SNX29: variants seen among roughly 807,000 people sequenced by gnomAD.
SNX29 encodes sorting nexin 29.
SNX29 carries 78 observed loss-of-function variants against 102.1 expected under a neutral mutation model. That is an observed-to-expected ratio of 0.76 (90% CI 0.64 to 0.92). The LOEUF is 0.92. Ranked by LOEUF, SNX29 falls within the 40% of genes least tolerant of loss-of-function variation. The pLI, the probability that SNX29 is intolerant of heterozygous loss-of-function variation, is 0.00. For synonymous variants in SNX29, 580 were observed against 414.5 expected (o/e 1.40, Z -4.85); for missense variants, 1,280 against 1,061.7 (o/e 1.21, Z -2.86).
intron 15 of SNX29, among the ~76,000 whole-genome samples, chr16:12,289,552 G>T (rs2079723607): frequency 6.6e-6 from 1 of 152,108 alleles, no homozygotes; most frequent in Non-Finnish European, 1.5e-5. Flanking sequence ...TCCACCCCAT[G>T]TGTTCTGTTT....
rs191462850 is a variant in SNX29, at chr16:12,124,305, G to A, written c.1403-2328G>A. ...CTGGAGGCAGAGATTGCAGTGAGCC[G>A]AGATCATACCACTGCACTCCATCCT... is the stretch of plus-strand genomic sequence containing the variant. On this transcript the variant is annotated intron_variant, in intron 11 of 20. Transcript: ENST00000566228. Among the ~76,000 whole-genome samples, 6 of 149,860 alleles carry A rather than the reference G, an allele frequency of 4.0e-5. No individual in the cohort carries two copies. The East Asian group carries it at 9.9e-4, about 25-fold the overall frequency.
intron 18 of SNX29, among the ~76,000 whole-genome samples, chr16:12,439,154 G>A (rs1225495952): frequency 1.3e-5 from 2 of 152,310 alleles, no homozygotes; most frequent in Admixed American, 1.3e-4. Flanking sequence ...TGGTTGCAGG[G>A]GCACCTGAGA....
rs750622805 is a variant in SNX29, at chr16:12,061,633, C to G, written c.1230C>G (p.Ser410=). 2 of 1,610,998 alleles carry G rather than the reference C, an allele frequency of 1.2e-6. No individual in the cohort carries two copies. Among genetic ancestry groups the G allele is most frequent in the Admixed American group, 3.4e-5 (2 of 59,622 alleles). The part of the protein sequence containing the change: ...DILFPVSGVG[S]YSPADAPLGS... Reference sequence around the variant, plus strand: ...TCTTCCCTGTCAGTGGCGTGGGCTCCTACAGCCCAGCAGGTGGGTGTCTCC... The same window carrying G: ...TCTTCCCTGTCAGTGGCGTGGGCTCGTACAGCCCAGCAGGTGGGTGTCTCC... Residue 410 remains serine (S), a synonymous_variant, in exon 9 of 21, where the codon TCC becomes TCG. Transcript: ENST00000566228.
At position 12,472,529 on chromosome 16, in the gene SNX29, C is replaced by CAAA. The variant is rs60223249; in HGVS notation, c.2038-5178_2038-5176dup. On this transcript the variant is annotated intron_variant, in intron 18 of 20. Transcript: ENST00000566228. Reference sequence around the variant, plus strand: ...GCGAGTCTAAATCTCAAAAAAAAACCAAAAAAAAAAAAAACAAAAAAAAAA... The same window carrying CAAA: ...GCGAGTCTAAATCTCAAAAAAAAACCAAAAAAAAAAAAAAAAACAAAAAAAAAA... Among the ~76,000 whole-genome samples the CAAA allele has an allele frequency of 9.3e-4, 68 of 72,966 alleles. 1 individual carries two copies. The highest frequency in any genetic ancestry group is 2.2e-3 in the East Asian group (7 of 3,122). The allele number at this position is 72,966 out of a possible 152,430, so 47.9% of individuals were successfully genotyped here.
intron 19 of SNX29, among the ~76,000 whole-genome samples, chr16:12,508,997 C>T (rs1264724181): frequency 6.6e-6 from 1 of 152,174 alleles, no homozygotes; most frequent in Non-Finnish European, 1.5e-5. Context: ...TCCCTCCGCT[C>T]AGTTCCCGGC....
chr16:12,279,320 C>G (rs1056254955), intron 15 of SNX29, among the ~76,000 whole-genome samples: 3 of 152,210 alleles, frequency 2.0e-5, no homozygotes, highest in African/African-American at 4.8e-5. Context: ...TTCTTACCAT[C>G]TGTTTTGTCT....
At chr16:12,518,628 C>G (rs916149721) in intron 19 of SNX29, among the ~76,000 whole-genome samples, 1 of 152,206 alleles carries the variant, frequency 6.6e-6, no homozygotes, top group African/African-American at 2.4e-5. Flanking sequence ...CATCGCAGCA[C>G]TTGCCCCAGC....
chr16:12,218,651 T>C (rs1351114339), intron 14 of SNX29, among the ~76,000 whole-genome samples: 1 of 152,216 alleles, frequency 6.6e-6, no homozygotes, highest in East Asian at 1.9e-4. Flanking sequence ...TTCCTCCTGA[T>C]CAAAAGATGT....
At chr16:12,550,607 G>C (rs577535541) in intron 20 of SNX29, among the ~76,000 whole-genome samples, 2 of 151,668 alleles carry the variant, frequency 1.3e-5, no homozygotes, top group Admixed American at 6.6e-5. Flanking sequence ...GCTTCTATGT[G>C]TAATGTATAC....
At chr16:12,367,188 G>T (rs769766575) in intron 16 of SNX29, 1 of 152,226 alleles carries the variant, frequency 6.6e-6, no homozygotes, top group Non-Finnish European at 1.5e-5. Context: ...ACCACTTGGC[G>T]TTGACTTCCA....
intron 20 of SNX29, among the ~76,000 whole-genome samples, chr16:12,554,882 C>T (rs542285541): frequency 2.0e-5 from 3 of 152,240 alleles, no homozygotes; most frequent in Non-Finnish European, 4.4e-5. Context: ...GATATGTCAG[C>T]ATGCCATACA....
intron 19 of SNX29, among the ~76,000 whole-genome samples, chr16:12,483,091 T>C (rs1221202928): frequency 6.8e-6 from 1 of 146,628 alleles, no homozygotes; most frequent in Non-Finnish European, 1.5e-5. Context: ...CAAGCCACAA[T>C]AGATACATAT....
chr16:12,547,666 C>G (rs1345330306), intron 20 of SNX29, among the ~76,000 whole-genome samples: 1 of 152,142 alleles, frequency 6.6e-6, no homozygotes, highest in East Asian at 1.9e-4. Context: ...CAAGCACCAT[C>G]TCCTGTAATA....
intron 11 of SNX29, among the ~76,000 whole-genome samples, chr16:12,107,395 G>T (rs773894536): frequency 5.3e-4 from 80 of 151,054 alleles, no homozygotes; most frequent in Non-Finnish European, 1.0e-3. Context: ...GACCTGGTGC[G>T]GTGGCTGATG....
Position 12,225,060 on chromosome 16 carries a change from C to G in SNX29, c.1678+25377C>G, listed in dbSNP as rs145920056. On this transcript the variant is annotated intron_variant, in intron 14 of 20. Coordinates refer to ENST00000566228, the MANE Select transcript of SNX29 (RefSeq NM_032167.5). ...CCTCTTACTTTAGTCAGAAATCTTT[C>G]TAACATCTGTTATTCTAACAAACAG... Among the ~76,000 whole-genome samples the G allele has an allele frequency of 3.7e-3, 559 of 152,294 alleles. 4 individuals carry two copies. The highest frequency in any genetic ancestry group is 0.013 in the African/African-American group (532 of 41,558).
In SNX29 at chr16:12,568,492, C is replaced by G. The variant is rs1306251093; in HGVS notation, c.2319-14C>G. ...ATCCCCAGACTTAACCCGATTCTCT[C>G]CCTGCTCTTTCAGCGACATCACCCC... On this transcript the variant is annotated splice_polypyrimidine_tract_variant and intron_variant, in intron 20 of 20. Transcript: ENST00000566228. The G allele has an allele frequency of 1.9e-6, 3 of 1,609,100 alleles. No homozygotes were observed. Among genetic ancestry groups the G allele is most frequent in the Admixed American group, 1.7e-5 (1 of 60,004 alleles).
At chr16:12,541,797 T>G (rs1195505185) in intron 20 of SNX29, among the ~76,000 whole-genome samples, 2 of 152,052 alleles carry the variant, frequency 1.3e-5, no homozygotes, top group Non-Finnish European at 2.9e-5. Flanking sequence ...AATGGAAAGG[T>G]TCAGAGGGCA....
chr16:12,151,917 G>A (rs902705557), intron 13 of SNX29, among the ~76,000 whole-genome samples: 9 of 152,082 alleles, frequency 5.9e-5, no homozygotes, highest in Non-Finnish European at 1.3e-4. Context: ...TGTATTTTTA[G>A]TAGAGATGAA....
intron 16 of SNX29, among the ~76,000 whole-genome samples, chr16:12,385,190 T>G (rs1465131252): frequency 6.6e-6 from 1 of 152,106 alleles, no homozygotes; most frequent in African/African-American, 2.4e-5. Flanking sequence ...AAAAGAAAAG[T>G]TCTGTGGGGA....
Sources: gnomAD v4.1 joint callset for allele counts (sites outside exome capture counted in the v4.1 genomes callset) on GRCh38, gnomAD v4.1.1 for gene constraint, MANE v1.5 for transcripts, NCBI Gene and HGNC (gene_info 2026-07-23, HGNC 2026-07-21) for gene names.